The following ALLC variants were observed in gnomAD, a reference collection of about 807,000 sequenced individuals.
ALLC encodes probable inactive allantoicase.
A neutral mutation model predicts 45.0 loss-of-function variants in ALLC; 40 were observed. The observed-to-expected ratio is 0.89, with a 90% CI of 0.69 to 1.16. The LOEUF (loss-of-function observed/expected upper bound fraction) is 1.16. Among genes scored for constraint, ALLC ranks in the 50% most tolerant of loss-of-function variants. The pLI, the probability that ALLC is intolerant of heterozygous loss-of-function variation, is 0.00. For synonymous variants in ALLC, 176 were observed against 178.1 expected (o/e 0.99, Z 0.09); for missense variants, 488 against 493.1 (o/e 0.99, Z 0.10).
At chr2:3,670,340 A>T (rs1370915347) in intron 1 of ALLC, among the ~76,000 whole-genome samples, 1 of 152,094 alleles carries the variant, frequency 6.6e-6, no homozygotes, top group East Asian at 1.9e-4. Context: ...TTTCTCTTTC[A>T]CCATGAGGGG....
chr2:3,674,082 T>A lies in ALLC; in HGVS notation c.41T>A (p.Phe14Tyr). ...ASESVGGKIL[F>Y]ATDDFFAPAE... ...CTTTCTTTCTTTGTCTAGATTTTAT[T>A]TGCAACAGATGACTTTTTTGCTCCT... Residue 14 changes from phenylalanine to tyrosine, a missense_variant, in exon 3 of 12, where the codon TTT becomes TAT. By Grantham distance (22) the Phe-to-Tyr change is conservative. Transcript: ENST00000252505. 1 of 1,554,940 alleles carries A rather than the reference T, an allele frequency of 6.4e-7. No individual in the cohort carries two copies.
At chr2:3,658,670 CCAGCCTGAACAA>C (rs1280965925) in intron 1 of ALLC, among the ~76,000 whole-genome samples, 1 of 152,002 alleles carries the variant, frequency 6.6e-6, no homozygotes, top group African/African-American at 2.4e-5. Context: ...GAGTTTGAGA[CCAGCCTGAACAA>C]CATGGCAAGA....
At chr2:3,670,996 T>C in intron 1 of ALLC, 100 bp from the exon 2 acceptor site, 1 of 682,486 alleles carries the variant, frequency 1.5e-6, no homozygotes. Context: ...TGTCACTGCC[T>C]GACTTTTGAA....
chr2:3,653,499 C>A (rs1425569308), upstream of ALLC, among the ~76,000 whole-genome samples: 1 of 152,196 alleles, frequency 6.6e-6, no homozygotes, highest in Non-Finnish European at 1.5e-5. The surrounding 1 kb of genome is among the most constrained non-coding windows in gnomAD (Gnocchi z 4.1). Context: ...AGCTACGATC[C>A]AGCCCTTGCC....
chr2:3,646,491 A>C, the ALLC span, among the ~76,000 whole-genome samples: 1 of 152,230 alleles, frequency 6.6e-6, no homozygotes, highest in African/African-American at 2.4e-5. Context: ...TTGGAAGGAC[A>C]TAGCAAACAA....
Position 3,696,355 on chromosome 2 carries a change from A to G in ALLC, c.741+7A>G. 1 of 1,605,492 alleles carries G rather than the reference A, an allele frequency of 6.2e-7. No homozygotes were observed. Among genetic ancestry groups the G allele is most frequent in the South Asian group, 1.1e-5 (1 of 88,816 alleles). Reference sequence around the variant, plus strand: ...CCGGCCACCAATATTAGAAGTAAGAAGTTAAAAATAACTATGGTTTAAAGT... The same window carrying G: ...CCGGCCACCAATATTAGAAGTAAGAGGTTAAAAATAACTATGGTTTAAAGT... On this transcript the variant is annotated splice_region_variant and intron_variant, in intron 9 of 11. Coordinates refer to ENST00000252505, the MANE Select transcript of ALLC (RefSeq NM_018436.4).
chr2:3,697,509 G>C, intron 10 of ALLC, 53 bp downstream of exon 10: 1 of 1,452,474 alleles, frequency 6.9e-7, no homozygotes, highest in East Asian at 2.3e-5. Context: ...TTATTCTAAA[G>C]ACTGAGTTCT....
chr2:3,651,403 G>GCA, the ALLC span, among the ~76,000 whole-genome samples: 2 of 39,276 alleles, frequency 5.1e-5, no homozygotes, highest in African/African-American at 1.5e-4. Flanking sequence ...GTGTGTGTGT[G>GCA]TGTGTGTGTG....
At chr2:3,658,987 G>A (rs547677686) in intron 1 of ALLC, among the ~76,000 whole-genome samples, 3 of 152,184 alleles carry the variant, frequency 2.0e-5, no homozygotes, top group East Asian at 3.9e-4. Flanking sequence ...AAGAGTTGCC[G>A]GTAGTCAGGA....
At chr2:3,685,457 GAGAGAC>G (rs1667312528) in intron 7 of ALLC, among the ~76,000 whole-genome samples, 1 of 150,846 alleles carries the variant, frequency 6.6e-6, no homozygotes, top group Admixed American at 6.6e-5. Flanking sequence ...CAGAGAGAGA[GAGAGAC>G]AGAGACAGAC....
chr2:3,654,836 G>A (rs1001761857), upstream of ALLC, among the ~76,000 whole-genome samples: 32 of 152,258 alleles, frequency 2.1e-4, no homozygotes, highest in Admixed American at 1.8e-3. Context: ...CCTGGAAGGC[G>A]CAGAAAGAGG....
At chr2:3,651,309 TGGGTGGGGGG>T in the ALLC span, among the ~76,000 whole-genome samples, 328 of 11,612 alleles carry the variant, frequency 0.028, 36 homozygotes, top group East Asian at 0.23. Flanking sequence ...GGTGGGTGGG[TGGGTGGGGGG>T]GGTGTGTGTG....
upstream of ALLC, among the ~76,000 whole-genome samples, chr2:3,653,789 C>T (rs1389330021): frequency 6.6e-6 from 1 of 152,154 alleles, no homozygotes; most frequent in East Asian, 1.9e-4. This position sits in a 1 kb window ranked among gnomAD's most constrained non-coding sequence, Gnocchi z 4.1. Context: ...CAAGCCTATT[C>T]CAACATGTCC....
upstream of ALLC, among the ~76,000 whole-genome samples, chr2:3,655,992 G>C (rs1666430332): frequency 6.6e-6 from 1 of 152,168 alleles, no homozygotes; most frequent in Admixed American, 6.5e-5. Context: ...GAGCCAGCGA[G>C]CTCCCAGTGG....
At chr2:3,651,135 G>C in the ALLC span, among the ~76,000 whole-genome samples, 55 of 152,206 alleles carry the variant, frequency 3.6e-4, no homozygotes, top group East Asian at 7.7e-4. Context: ...GATGAGCGCA[G>C]ACACACAGCC....
At chr2:3,675,758 G>A (rs972696662) in intron 3 of ALLC, among the ~76,000 whole-genome samples, 2 of 152,144 alleles carry the variant, frequency 1.3e-5, no homozygotes, top group South Asian at 2.1e-4. Flanking sequence ...GCCAGTCCAC[G>A]CCCTCCCTTT....
At position 3,697,436 on chromosome 2, in the gene ALLC, T is replaced by TTGACC. The variant is rs747376557; in HGVS notation, c.834_835insCTGAC (p.Thr279LeufsTer21). On this transcript the variant is annotated frameshift_variant, in exon 10 of 12. Transcript: ENST00000252505. LOFTEE classifies it high-confidence loss of function. ...CCTGGAGTAATAACTCGAATTGAAA[T>TTGACC]TGACACAAAATATTTTGAAGGTAAA... The TTGACC allele has an allele frequency of 9.0e-5, 145 of 1,613,812 alleles. No individual in the cohort carries two copies. The African/African-American group carries it at 1.8e-3, about 20-fold the overall frequency.
rs903651133 is a variant in ALLC at position 3,658,422 on chromosome 2, G to A, written c.-63+128G>A. On this transcript the variant is annotated intron_variant, in intron 1 of 11. Coordinates refer to ENST00000252505, the MANE Select transcript of ALLC (RefSeq NM_018436.4). ...GACACTTGGAAGGTGACAGAGGGTA[G>A]ATGGTGACAGACACCACTTTGTGCC... 10 of 152,406 alleles carry A rather than the reference G, an allele frequency of 6.6e-5. No individual in the cohort carries two copies. The highest frequency in any genetic ancestry group is 3.9e-4 in the Admixed American group (6 of 15,308). The allele number at this position is 152,406 out of a possible 1,614,324, so 9.4% of individuals were successfully genotyped here.
At position 3,680,667 on chromosome 2, in the gene ALLC, C is replaced by A. The variant is rs1400795455; in HGVS notation, c.298+673C>A. On this transcript the variant is annotated intron_variant, in intron 5 of 11. Transcript: ENST00000252505. The surrounding 1 kb of genome is among the most constrained non-coding windows in gnomAD (Gnocchi z 4.0). ...CAGCAGCGAGATGGGTAAATCTCTG[C>A]ACTGTTACTGCCCGGACTCAGGGCT... 1.3e-5 allele frequency among the ~76,000 whole-genome samples: 2 copies of A among 152,192 alleles called. No homozygotes were observed. The highest frequency in any genetic ancestry group is 2.9e-5 in the Non-Finnish European group (2 of 68,036).
Sources: gnomAD v4.1 joint callset for allele counts (sites outside exome capture counted in the v4.1 genomes callset) on GRCh38, gnomAD v4.1.1 for gene constraint, Gnocchi (gnomAD v3.1) non-coding constraint, MANE v1.5 for transcripts, NCBI Gene and HGNC (gene_info 2026-07-23, HGNC 2026-07-21) for gene names.